Variants in ERC1 observed in about 807,000 individuals in gnomAD.
ERC1 encodes RAB6 interacting protein 2.
In ERC1, 56 loss-of-function variants were observed where a neutral mutation model predicts 132.0. The ratio of observed to expected loss-of-function variants is 0.42; its 90% CI spans 0.34 to 0.53. ERC1 has a LOEUF of 0.53. Among genes scored for constraint, ERC1 ranks in the 20% least tolerant of loss-of-function variants. The pLI is 0.03. For synonymous variants in ERC1, 478 were observed against 476.1 expected, an observed-to-expected ratio of 1.00 and a Z score of -0.05; for missense variants, 1,202 against 1,349.9, an observed-to-expected ratio of 0.89 and a Z score of 1.72.
In ERC1 at chr12:1,218,849, C is replaced by T. The variant is rs562440111; in HGVS notation, c.2352-17920C>T. ...ATATATATATACACACACACACACA[C>T]ACACACATATATATATATATTCTCA... On this transcript the variant is annotated intron_variant, in intron 12 of 18. Coordinates refer to ENST00000360905, the MANE Select transcript of ERC1 (RefSeq NM_178040.4). Among the ~76,000 whole-genome samples, 9 of 151,436 alleles carry T rather than the reference C, an allele frequency of 5.9e-5. No individual in the cohort carries two copies. In the South Asian group the frequency reaches 1.9e-3, roughly 32 times the overall value.
At chr12:1,434,915 G>A (rs2092908724) in intron 17 of ERC1, among the ~76,000 whole-genome samples, 1 of 152,232 alleles carries the variant, frequency 6.6e-6, no homozygotes, top group Non-Finnish European at 1.5e-5. Context: ...GACCGTCAGA[G>A]TTTGTGTTGT....
chr12:1,044,002 G>C (rs766042466), intron 2 of ERC1, among the ~76,000 whole-genome samples: 13 of 151,988 alleles, frequency 8.6e-5, no homozygotes, highest in Admixed American at 2.0e-4. Context: ...AACCGTATGT[G>C]GGAGTGGGCT....
At position 1,147,183 on chromosome 12, in the gene ERC1, G is replaced by T. The variant is rs183442979; in HGVS notation, c.1737+5396G>T. Among the ~76,000 whole-genome samples the T allele has an allele frequency of 9.3e-3, 1,414 of 152,206 alleles. 12 individuals carry two copies. The highest frequency in any genetic ancestry group is 0.014 in the Non-Finnish European group (950 of 68,020). On this transcript the variant is annotated intron_variant, in intron 8 of 18. Transcript: ENST00000360905. ...CTGTTGAATAGAAGTGGTGAAAGTGGGCATCCTTATCTTGTTCCAGTTCTC... is the reference window on the plus strand; with the variant it reads ...CTGTTGAATAGAAGTGGTGAAAGTGTGCATCCTTATCTTGTTCCAGTTCTC...
At chr12:1,293,599 C>T (rs182646622) in intron 15 of ERC1, among the ~76,000 whole-genome samples, 4 of 148,084 alleles carry the variant, frequency 2.7e-5, no homozygotes, top group South Asian at 2.1e-4. Context: ...ATTGCACTCC[C>T]GCCTGGGCAA....
In ERC1 at chr12:1,118,819, G is replaced by A. The variant is rs534571324; in HGVS notation, c.1569+2786G>A. Among the ~76,000 whole-genome samples, 4 of 152,192 alleles carry A rather than the reference G, an allele frequency of 2.6e-5. No homozygotes were observed. In the East Asian group the frequency reaches 7.7e-4, roughly 29 times the overall value. Reference sequence around the variant, plus strand: ...TATCCCAGACTTCGATCTAACACTCGGATTACTAAATTAAGTATATATGAA... The same window carrying A: ...TATCCCAGACTTCGATCTAACACTCAGATTACTAAATTAAGTATATATGAA... On this transcript the variant is annotated intron_variant, in intron 7 of 18. Transcript: ENST00000360905.
chr12:1,030,163 C>T (rs1189128457), intron 2 of ERC1, among the ~76,000 whole-genome samples: 1 of 151,944 alleles, frequency 6.6e-6, no homozygotes, highest in Non-Finnish European at 1.5e-5. Flanking sequence ...GAGTTTTTTT[C>T]CTCCTTAAAA....
At chr12:999,026 A>G (rs918215097) in intron 1 of ERC1, among the ~76,000 whole-genome samples, 2 of 151,530 alleles carry the variant, frequency 1.3e-5, no homozygotes, top group African/African-American at 4.8e-5. Context: ...CACCCAGCTA[A>G]TTTTTGTATT....
At chr12:1,005,687 G>C (rs1963433769) in intron 1 of ERC1, among the ~76,000 whole-genome samples, 1 of 152,044 alleles carries the variant, frequency 6.6e-6, no homozygotes, top group African/African-American at 2.4e-5. Flanking sequence ...TAGAGCAGCA[G>C]TTCTTATCTG....
intron 8 of ERC1, among the ~76,000 whole-genome samples, chr12:1,146,142 G>T (rs760379628): frequency 3.9e-5 from 6 of 151,950 alleles, no homozygotes; most frequent in Non-Finnish European, 8.8e-5. Flanking sequence ...ATTTCATTGA[G>T]TGTGTAGATT....
At chr12:1,154,255 A>ATATGTG (rs1320548993) in intron 8 of ERC1, among the ~76,000 whole-genome samples, 1 of 147,886 alleles carries the variant, frequency 6.8e-6, no homozygotes, top group Non-Finnish European at 1.5e-5. Flanking sequence ...ATGTATATGT[A>ATATGTG]TATGTGTATA....
At chr12:1,102,777 C>T (rs1201315756) in intron 3 of ERC1, among the ~76,000 whole-genome samples, 1 of 152,126 alleles carries the variant, frequency 6.6e-6, no homozygotes, top group Non-Finnish European at 1.5e-5. Flanking sequence ...GTGCTATACA[C>T]AGGAAAAAGT....
At chr12:1,354,736 C>T (rs561097486) in intron 15 of ERC1, among the ~76,000 whole-genome samples, 2 of 152,264 alleles carry the variant, frequency 1.3e-5, no homozygotes, top group African/African-American at 2.4e-5. Context: ...CTGCAACCTC[C>T]GCGTTCTAGG....
intron 1 of ERC1, among the ~76,000 whole-genome samples, chr12:1,020,316 G>A (rs970645915): frequency 1.3e-5 from 2 of 152,096 alleles, no homozygotes; most frequent in African/African-American, 4.8e-5. Context: ...AATTAGCAGG[G>A]CCTGGTGGCA....
rs532125926 is a variant in ERC1, at chr12:1,458,530, A to G, written c.3213+13780A>G. Among the ~76,000 whole-genome samples, 5 of 141,156 alleles carry G rather than the reference A, an allele frequency of 3.5e-5. No homozygotes were observed. In the South Asian group the frequency reaches 6.7e-4, roughly 19 times the overall value. 92.6% of individuals were successfully genotyped at this position (141,156 alleles called of 152,430 possible). Reference sequence around the variant, plus strand: ...TGTATACACATATACACATGTATGTATTTTCTTTTTTTTTTTTTTTTGAGA... The same window carrying G: ...TGTATACACATATACACATGTATGTGTTTTCTTTTTTTTTTTTTTTTGAGA... On this transcript the variant is annotated intron_variant, in intron 18 of 18. Transcript: ENST00000360905.
At chr12:1,458,002 C>T (rs1317988237) in intron 18 of ERC1, among the ~76,000 whole-genome samples, 1 of 152,196 alleles carries the variant, frequency 6.6e-6, no homozygotes, top group Non-Finnish European at 1.5e-5. Context: ...AAGTGTTCAA[C>T]TGATATAGCC....
chr12:1,180,742 TAG>T, intron 9 of ERC1, 65 bp downstream of exon 9: 1 of 1,583,986 alleles, frequency 6.3e-7, no homozygotes, highest in Non-Finnish European at 8.6e-7. Flanking sequence ...AGACTGGATA[TAG>T]AATACAAAAG....
At chr12:1,402,614 A>AACACACACACACACACACACACCACAC (rs1555393204) in intron 16 of ERC1, among the ~76,000 whole-genome samples, 82 of 144,988 alleles carry the variant, frequency 5.7e-4, no homozygotes, top group Middle Eastern at 3.5e-3. Context: ...TGTAACCCCC[A>AACACACACACACACACACACACCACAC]ACACACACAC....
In ERC1 at chr12:1,317,189, T is replaced by C. The variant is rs537982137; in HGVS notation, c.2780+27177T>C. ...AAACGAAAAAAAAAAAAAAAGAAAATGTGTAACATATACACCATGGAATAC... is the reference window on the plus strand; with the variant it reads ...AAACGAAAAAAAAAAAAAAAGAAAACGTGTAACATATACACCATGGAATAC... On this transcript the variant is annotated intron_variant, in intron 15 of 18. Transcript: ENST00000360905. Among the ~76,000 whole-genome samples the C allele has an allele frequency of 4.2e-3, 583 of 139,614 alleles. 2 individuals are homozygous for C. The highest frequency in any genetic ancestry group is 7.2e-3 in the Non-Finnish European group (466 of 64,484). The allele number at this position is 139,614 out of a possible 152,430, so 91.6% of individuals were successfully genotyped here. A position where few individuals can be genotyped will look rare whatever the true frequency, so the allele number is the denominator to read the frequency against.
intron 1 of ERC1, among the ~76,000 whole-genome samples, chr12:1,004,712 A>G (rs1444800089): frequency 6.6e-6 from 1 of 151,876 alleles, no homozygotes; most frequent in African/African-American, 2.4e-5. Context: ...GCTGGTTAAC[A>G]CATTTCTAAG....
Sources: gnomAD v4.1 joint callset for allele counts (sites outside exome capture counted in the v4.1 genomes callset) on GRCh38, gnomAD v4.1.1 for gene constraint, MANE v1.5 for transcripts, NCBI Gene and HGNC (gene_info 2026-07-23, HGNC 2026-07-21) for gene names.